Variants in TPRG1 observed in about 807,000 individuals in gnomAD.
TPRG1 encodes tumor protein p63 regulated 1.
Under a neutral mutation model 29.3 loss-of-function variants are expected in TPRG1, and 29 were observed. That is an observed-to-expected ratio of 0.99 (90% confidence interval 0.74 to 1.35). The LOEUF (loss-of-function observed/expected upper bound fraction) is 1.35, where lower values mean the gene tolerates loss of function less well. TPRG1 is among the 40% of genes most tolerant of loss of function. The pLI is 0.00. For missense variants in TPRG1, 327 were observed against 335.0 expected, an observed-to-expected ratio of 0.98 and a Z score of 0.19; for synonymous variants, 130 against 116.8, an observed-to-expected ratio of 1.11 and a Z score of -0.73.
chr3:189,033,585 T>C (rs1242107129), intron 4 of TPRG1, among the ~76,000 whole-genome samples: 2 of 151,106 alleles, frequency 1.3e-5, no homozygotes, highest in Non-Finnish European at 3.0e-5. Context: ...ACTCTTCTAC[T>C]CCTTTTTTTT....
intron 1 of TPRG1, among the ~76,000 whole-genome samples, chr3:189,107,778 A>G (rs981778760): frequency 2.6e-5 from 4 of 152,164 alleles, no homozygotes; most frequent in Non-Finnish European, 4.4e-5. Flanking sequence ...CTTGTAGCCT[A>G]TCTCTCTGAT....
chr3:189,259,354 T>A (rs940244573), intron 4 of TPRG1, among the ~76,000 whole-genome samples: 6 of 151,654 alleles, frequency 4.0e-5, no homozygotes, highest in Non-Finnish European at 7.4e-5. Flanking sequence ...CCCAATGAGA[T>A]GAACTGGGTA....
intron 4 of TPRG1, among the ~76,000 whole-genome samples, chr3:189,302,494 A>G (rs1720993520): frequency 6.6e-6 from 1 of 152,218 alleles, no homozygotes; most frequent in Non-Finnish European, 1.5e-5. Context: ...GGCTCCGTGT[A>G]CAGAATATGA....
chr3:189,098,264 G>T (rs1257467189), upstream of TPRG1, among the ~76,000 whole-genome samples: 1 of 152,064 alleles, frequency 6.6e-6, no homozygotes, highest in Non-Finnish European at 1.5e-5. Flanking sequence ...GAACAGGAAG[G>T]GAAATAAATG....
intron 4 of TPRG1, among the ~76,000 whole-genome samples, chr3:189,266,157 T>C (rs890941450): frequency 6.6e-6 from 1 of 152,176 alleles, no homozygotes; most frequent in Non-Finnish European, 1.5e-5. Context: ...TAAAATAGAA[T>C]TAATATCTAC....
chr3:189,143,272 T>C (rs1317968990), intron 3 of TPRG1, among the ~76,000 whole-genome samples: 1 of 152,202 alleles, frequency 6.6e-6, no homozygotes, highest in East Asian at 1.9e-4. Flanking sequence ...ATTCTCCAGA[T>C]GAGGAAGTCT....
At chr3:189,062,288 G>A (rs1716164930) in intron 4 of TPRG1, among the ~76,000 whole-genome samples, 1 of 152,232 alleles carries the variant, frequency 6.6e-6, no homozygotes, top group Non-Finnish European at 1.5e-5. Flanking sequence ...GACTACTTGA[G>A]GGTAGAGGAC....
At chr3:189,015,043 A>G (rs1712852722) in intron 3 of TPRG1, among the ~76,000 whole-genome samples, 1 of 152,196 alleles carries the variant, frequency 6.6e-6, no homozygotes, top group Non-Finnish European at 1.5e-5. Flanking sequence ...GAAAGTTTGG[A>G]ACTTCCTTGA....
intron 4 of TPRG1, among the ~76,000 whole-genome samples, chr3:189,248,848 T>A (rs977601696): frequency 1.4e-5 from 2 of 146,250 alleles, no homozygotes; most frequent in South Asian, 2.1e-4. Context: ...AAATTGCCAA[T>A]TTTTTTTTAT....
chr3:189,160,828 A>C (rs956262577), intron 5 of TPRG1, among the ~76,000 whole-genome samples: 1 of 152,230 alleles, frequency 6.6e-6, no homozygotes, highest in Non-Finnish European at 1.5e-5. Flanking sequence ...TTCATATTCA[A>C]GGTAGTAATG....
chr3:189,287,519 T>A (rs539459041), intron 4 of TPRG1, among the ~76,000 whole-genome samples: 5 of 151,708 alleles, frequency 3.3e-5, no homozygotes, highest in African/African-American at 1.2e-4. Flanking sequence ...TGCCTCAGCC[T>A]CCCGAGTAGC....
At position 189,321,722 on chromosome 3, in the gene TPRG1, A is replaced by G. The variant is rs763163643; in HGVS notation, c.*902A>G. Reference sequence around the variant, plus strand: ...CTTATACCATCTTTTGTTCAAATATATATTTTTTAATAACAGACCTTTTTC... The same window carrying G: ...CTTATACCATCTTTTGTTCAAATATGTATTTTTTAATAACAGACCTTTTTC... On this transcript the variant is annotated 3_prime_UTR_variant, in exon 6 of 6. Transcript: ENST00000345063. 2.6e-5 allele frequency: 4 copies of G among 152,100 alleles called. No homozygotes were observed. The highest frequency in any genetic ancestry group is 4.4e-5 in the Non-Finnish European group (3 of 68,004). 9.4% of individuals were successfully genotyped at this position (152,100 alleles called of 1,614,324 possible). A position where few individuals can be genotyped will look rare whatever the true frequency, so the allele number is the denominator to read the frequency against.
At chr3:189,099,146 C>T (rs896759136), upstream of TPRG1, among the ~76,000 whole-genome samples, 3 of 152,034 alleles carry the variant, frequency 2.0e-5, no homozygotes, top group Non-Finnish European at 4.4e-5. Flanking sequence ...CGGCCGACAC[C>T]ACACTTGGTC....
chr3:189,292,539 C>G (rs889526471), intron 4 of TPRG1, among the ~76,000 whole-genome samples: 1 of 151,952 alleles, frequency 6.6e-6, no homozygotes, highest in East Asian at 1.9e-4. Flanking sequence ...GGGAGATTAA[C>G]AGAAATAACA....
intron 3 of TPRG1, among the ~76,000 whole-genome samples, chr3:189,144,897 T>C (rs763429928): frequency 1.3e-5 from 2 of 152,226 alleles, no homozygotes; most frequent in Non-Finnish European, 2.9e-5. Flanking sequence ...GGCAGGGTCA[T>C]GTCTTACACA....
rs545634085 is a variant in TPRG1, at chr3:189,053,336, A to T, written c.-463+29390A>T. On this transcript the variant is annotated intron_variant, in intron 4 of 10. Coordinates refer to the TPRG1 transcript ENST00000433971. Reference sequence around the variant, plus strand: ...CAATTTTCTCATAGAACTGATGTTTATGGTTTCTTTTGAGGAAACATAGAA... The same window carrying T: ...CAATTTTCTCATAGAACTGATGTTTTTGGTTTCTTTTGAGGAAACATAGAA... Among the ~76,000 whole-genome samples the T allele has an allele frequency of 2.6e-4, 39 of 152,318 alleles. No homozygotes were observed. The South Asian group carries it at 6.8e-3, about 27-fold the overall frequency.
chr3:189,118,413 G>T (rs1376721545), intron 1 of TPRG1, among the ~76,000 whole-genome samples: 2 of 152,314 alleles, frequency 1.3e-5, no homozygotes, highest in East Asian at 1.9e-4. Context: ...CCCATTTTCT[G>T]GGGAGAATTG....
At chr3:189,268,271 A>G (rs1714470188) in intron 4 of TPRG1, among the ~76,000 whole-genome samples, 1 of 151,920 alleles carries the variant, frequency 6.6e-6, no homozygotes, top group Non-Finnish European at 1.5e-5. Context: ...CTGTCCACTC[A>G]CTCTAATGCC....
At chr3:189,318,115 T>G (rs1723845476) in intron 5 of TPRG1, among the ~76,000 whole-genome samples, 2 of 152,270 alleles carry the variant, frequency 1.3e-5, no homozygotes, top group South Asian at 4.1e-4. Context: ...TGCCCTCTAT[T>G]ACAGGAGACT....
Sources: allele counts gnomAD v4.1 joint callset (sites outside exome capture counted in the v4.1 genomes callset), GRCh38; gene constraint gnomAD v4.1.1; transcripts MANE v1.5; gene names NCBI Gene and HGNC (gene_info 2026-07-23, HGNC 2026-07-21).